Variants in SQSTM1 observed in about 807,000 individuals in gnomAD.
SQSTM1 encodes the protein sequestosome 1.
In SQSTM1, 36 loss-of-function variants were observed where a neutral mutation model predicts 45.1. That is an observed-to-expected ratio of 0.80 (90% confidence interval 0.61 to 1.05). The LOEUF (loss-of-function observed/expected upper bound fraction) is 1.05. SQSTM1 is among the 50% of genes least tolerant of loss of function. The pLI is 0.00. For synonymous variants in SQSTM1, 290 were observed against 244.3 expected (o/e 1.19, Z -1.74); for missense variants, 617 against 607.1 (o/e 1.02, Z -0.17).
At chr5:179,823,738 G>A (rs1324156656) in intron 2 of SQSTM1, 120 bp from the exon 3 acceptor site, 1 of 1,125,316 alleles carries the variant, frequency 8.9e-7, no homozygotes, top group Non-Finnish European at 1.3e-6. Flanking sequence ...AATTTTGTGT[G>A]GATTCCATGC....
Position 179,833,082 on chromosome 5 carries a change from A to C in SQSTM1, c.805A>C (p.Thr269Pro), listed in dbSNP as rs745853858. 2.5e-6 allele frequency: 4 copies of C among 1,613,946 alleles called. No individual in the cohort carries two copies. In the East Asian group the frequency reaches 6.7e-5, roughly 27 times the overall value. Residue 269 changes from threonine (T) to proline (P), a missense_variant, in exon 6 of 8, where the codon ACC (threonine) becomes CCC (proline). By Grantham distance (38) the Thr-to-Pro change is conservative (BLOSUM62 -1). Transcript: ENST00000389805. ...GCACGGAGGGAAAAGAAGCCGCCTG[A>C]CCCCCGTCTCTCCAGAGAGTTCCAG... ...VEHGGKRSRLTPVSPESSSTE... is the reference protein window; with the variant it reads ...VEHGGKRSRLPPVSPESSSTE...
Position 179,836,451 on chromosome 5 carries a change from T to G in SQSTM1, c.1181T>G (p.Leu394Arg). 3 of 1,614,220 alleles carry G rather than the reference T, an allele frequency of 1.9e-6. No homozygotes were observed. Among genetic ancestry groups the G allele is most frequent in the Non-Finnish European group, 2.5e-6 (3 of 1,180,052 alleles). Residue 394 changes from leucine to arginine, a missense_variant, in exon 8 of 8, where the codon CTG becomes CGG. Coordinates refer to ENST00000389805, the MANE Select transcript of SQSTM1 (RefSeq NM_003900.5). ...GTTTCGGCAGAGGCTGACCCGCGGC[T>G]GATTGAGTCCCTCTCCCAGATGCTG... ...PHLPPEADPR[L>R]IESLSQMLSM...
Position 179,837,741 on chromosome 5 carries a change from T to TAAGA in SQSTM1, c.*1149_*1150insAGAA, listed in dbSNP as rs1465813951. ...GGTGGCAGGACAAATTGCGCCCATT[T>TAAGA]AGAGGATGTGGCTGTAACCTGCTGG... is the stretch of plus-strand genomic sequence containing the variant. On this transcript the variant is annotated 3_prime_UTR_variant, in exon 8 of 8. Transcript: ENST00000389805. The TAAGA allele has an allele frequency of 8.7e-6, 14 of 1,614,144 alleles. No homozygotes were observed. Among genetic ancestry groups the TAAGA allele is most frequent in the Non-Finnish European group, 1.1e-5 (13 of 1,180,056 alleles).
chr5:179,833,349 A>G, intron 6 of SQSTM1, 103 bp downstream of exon 6: 1 of 1,190,998 alleles, frequency 8.4e-7, no homozygotes, highest in Non-Finnish European at 1.2e-6. Context: ...CCACTTACAA[A>G]CCCGAGGGAG....
intron 1 of SQSTM1, among the ~76,000 whole-genome samples, chr5:179,822,237 C>A (rs1422649496): frequency 6.6e-6 from 1 of 152,174 alleles, no homozygotes; most frequent in African/African-American, 2.4e-5. Flanking sequence ...GTAATGTGTT[C>A]AGTGTTGTGG....
rs1449269769 is a variant in SQSTM1, at chr5:179,821,140, C to T, written c.204C>T (p.Arg68=). The change falls in exon 1 of 8, where the codon CGC becomes CGT. Residue 68 remains arginine, a splice_region_variant and synonymous_variant. Transcript: ENST00000389805. ...CTGGCGGCTTCCAGGCGCACTACCG[C>T]GGTGAGCGGGCCGGGGAGCGGCGGG... The part of the protein sequence containing the change: ...LRPGGFQAHY[R]DEDGDLVAFS... The T allele has an allele frequency of 5.2e-6, 7 of 1,348,762 alleles. No homozygotes were observed. The South Asian group carries it at 9.1e-5, about 18-fold the overall frequency. 83.5% of individuals were successfully genotyped at this position (1,348,762 alleles called of 1,614,324 possible).
chr5:179,823,791 C>T, intron 2 of SQSTM1, 67 bp from the exon 3 acceptor site: 1 of 1,543,388 alleles, frequency 6.5e-7, no homozygotes. Context: ...GACAGCCCCA[C>T]AGTGACGACA....
rs10688915 is a variant in SQSTM1, at chr5:179,836,767, C to CTG, written c.*187_*188dup. On this transcript the variant is annotated 3_prime_UTR_variant, in exon 8 of 8. Coordinates refer to ENST00000389805, the MANE Select transcript of SQSTM1 (RefSeq NM_003900.5). The stretch of plus-strand genomic sequence containing the variant: ...AACAAGTGACATGAAGGGAGGGTCC[C>CTG]TGTGTGTGTGTGTGCTGATGTTTCC... The CTG allele has an allele frequency of 0.046, 43,386 of 944,486 alleles. 1,179 individuals are homozygous for CTG. Among genetic ancestry groups the CTG allele is most frequent in the Middle Eastern group, 0.094 (392 of 4,152 alleles). 58.5% of individuals were successfully genotyped at this position (944,486 alleles called of 1,614,324 possible).
rs1757756277 is a variant in SQSTM1, at chr5:179,821,081, AGCCGGGTG to A, written c.150_157del (p.Val51ProfsTer17). On this transcript the variant is annotated frameshift_variant, in exon 1 of 8. Coordinates refer to ENST00000389805, the MANE Select transcript of SQSTM1 (RefSeq NM_003900.5). LOFTEE classifies it high-confidence loss of function. ...TCCGGGACCCTGCGAGCGGCTGCTG[AGCCGGGTG>A]GCCGCCCTGTTCCCCGCGCTGCGGC... The A allele has an allele frequency of 6.8e-7, 1 of 1,472,086 alleles. No homozygotes were observed. Among genetic ancestry groups the A allele is most frequent in the Non-Finnish European group, 9.0e-7 (1 of 1,114,506 alleles). The allele number at this position is 1,472,086 out of a possible 1,614,324, so 91.2% of individuals were successfully genotyped here.
chr5:179,833,551 G>C (rs202043051), intron 6 of SQSTM1, 36 bp from the exon 7 acceptor site: 10 of 1,611,198 alleles, frequency 6.2e-6, no homozygotes, highest in African/African-American at 2.7e-5. Context: ...CCTGTTGCGC[G>C]TGTCTCCTGT....
In SQSTM1 at chr5:179,837,311, A is replaced by C. The variant is rs541743046; in HGVS notation, c.*718A>C. The C allele has an allele frequency of 6.3e-7, 1 of 1,598,406 alleles. No homozygotes were observed. Among genetic ancestry groups the C allele is most frequent in the South Asian group, 1.1e-5 (1 of 89,080 alleles). The stretch of plus-strand genomic sequence containing the variant: ...TAAGTTTATTGTTAATGGTTCTTAC[A>C]GAGTATCTTTAAAAGTGCCTTAGGG... On this transcript the variant is annotated 3_prime_UTR_variant, in exon 8 of 8. Transcript: ENST00000389805.
upstream of SQSTM1, chr5:179,819,160 C>T (rs886988687): frequency 2.6e-5 from 4 of 152,258 alleles, no homozygotes; most frequent in Admixed American, 2.6e-4. Flanking sequence ...GGAGAGGGCC[C>T]TGCCAGGGGG....
intron 1 of SQSTM1, chr5:179,822,481 C>T (rs1757818117): frequency 3.9e-6 from 1 of 254,530 alleles, no homozygotes; most frequent in African/African-American, 2.2e-5. Flanking sequence ...TGTCTTTCAG[C>T]TTTGTTAGGG....
intron 1 of SQSTM1, among the ~76,000 whole-genome samples, chr5:179,811,186 T>C (rs1373995531): frequency 6.6e-6 from 1 of 150,878 alleles, no homozygotes; most frequent in African/African-American, 2.4e-5. Context: ...TGAGCCGAGA[T>C]CGCACCACTG....
At chr5:179,808,807 T>A (rs762459336) in intron 1 of SQSTM1, among the ~76,000 whole-genome samples, 149 of 152,034 alleles carry the variant, frequency 9.8e-4, no homozygotes, top group Admixed American at 2.4e-3. Flanking sequence ...TTAAAACAAA[T>A]TTTTTTGGAT....
chr5:179,821,176 C>G, intron 1 of SQSTM1, 35 bp downstream of exon 1: 2 of 1,323,144 alleles, frequency 1.5e-6, no homozygotes, highest in Non-Finnish European at 1.9e-6. Flanking sequence ...GGCGGTGACG[C>G]AGGCCGGACA....
chr5:179,835,550 G>A (rs1226571284), intron 7 of SQSTM1: 1 of 158,666 alleles, frequency 6.3e-6, no homozygotes, highest in Admixed American at 6.4e-5. Context: ...GTCAGTCGTG[G>A]CGGCGCGCAC....
rs1378134526 is a variant in SQSTM1 at position 179,837,101 on chromosome 5, A to G, written c.*508A>G. 8 of 955,876 alleles carry G rather than the reference A, an allele frequency of 8.4e-6. No homozygotes were observed. Among genetic ancestry groups the G allele is most frequent in the Admixed American group, 2.0e-5 (1 of 49,132 alleles). 59.2% of individuals were successfully genotyped at this position (955,876 alleles called of 1,614,324 possible). A position where few individuals can be genotyped will look rare whatever the true frequency, so the allele number is the denominator to read the frequency against. ...GAGAAGGCTCACGAAGGGCATCCGC[A>G]ATGTTGGTTTCACTGAGAGCTGCCT... On this transcript the variant is annotated 3_prime_UTR_variant, in exon 8 of 8. Coordinates refer to ENST00000389805, the MANE Select transcript of SQSTM1 (RefSeq NM_003900.5).
intron 5 of SQSTM1, among the ~76,000 whole-genome samples, chr5:179,831,638 T>A (rs1249901584): frequency 6.6e-6 from 1 of 152,054 alleles, no homozygotes; most frequent in African/African-American, 2.4e-5. Flanking sequence ...CGCTCCAGCC[T>A]GGGCAACAGA....
Sources: allele counts gnomAD v4.1 joint callset (sites outside exome capture counted in the v4.1 genomes callset), GRCh38; gene constraint gnomAD v4.1.1; transcripts MANE v1.5; gene names NCBI Gene and HGNC (gene_info 2026-07-23, HGNC 2026-07-21).